The following DNM1 variants were observed in gnomAD, a reference collection of about 807,000 sequenced individuals.
DNM1 encodes dynamin-1.
In DNM1, 29 loss-of-function variants were observed where a neutral mutation model predicts 104.6. That is an observed-to-expected ratio of 0.28 (90% CI 0.21 to 0.38). The LOEUF (loss-of-function observed/expected upper bound fraction) is 0.38, where lower values mean the gene tolerates loss of function less well. Among genes scored for constraint, DNM1 ranks in the 10% least tolerant of loss-of-function variants. The probability of loss-of-function intolerance (pLI) is 1.00; values close to 1 mark genes in which losing one functional copy is unlikely to be tolerated. For synonymous variants in DNM1, 445 were observed against 475.8 expected (o/e 0.94, Z 0.84); for missense variants, 640 against 1,189.4 (o/e 0.54, Z 6.79).
Position 128,220,743 on chromosome 9 carries a change from G to GCGCGCGCC in DNM1, c.849+402_849+403insCGCGCGCC, listed in dbSNP as rs1554773802. On this transcript the variant is annotated intron_variant, in intron 6 of 21. Transcript: ENST00000372923. The surrounding 1 kb of genome is among the most constrained non-coding windows in gnomAD (Gnocchi z 5.2). ...AGAACTGAAGTGCGCGCGCGCGCGC[G>GCGCGCGCC]TGTGTGTGTGTGTGTGTGTGTGTGT... is the stretch of plus-strand genomic sequence containing the variant. Among the ~76,000 whole-genome samples the GCGCGCGCC allele has an allele frequency of 1.5e-5, 1 of 68,104 alleles. No individual in the cohort carries two copies. The highest frequency in any genetic ancestry group is 3.5e-5 in the Non-Finnish European group (1 of 28,970). The allele number at this position is 68,104 out of a possible 152,430, so 44.7% of individuals were successfully genotyped here.
chr9:128,223,945 A>G, intron 9 of DNM1: 3 of 190,560 alleles, frequency 1.6e-5, no homozygotes, highest in Non-Finnish European at 3.2e-5. Flanking sequence ...GCTACTTGGG[A>G]GGCTGAGGCA....
rs192913494 is a variant in DNM1, at chr9:128,218,678, C to G, written c.332C>G (p.Thr111Ser). The G allele has an allele frequency of 4.8e-4, 777 of 1,612,858 alleles. 5 individuals are homozygous for G. In the East Asian group the frequency reaches 0.015, roughly 31 times the overall value. ...GCCGAGACCGACAGGGTCACCGGCA[C>G]CAACAAGGGCATCTCGCCGGTGCCT... is the stretch of plus-strand genomic sequence containing the variant. ...IEAETDRVTG[T>S]NKGISPVPIN... is the part of the protein sequence containing the mutation. The change falls in exon 3 of 22, where the codon ACC becomes AGC. Residue 111 changes from threonine to serine, a missense_variant. Physicochemically the swap from Thr to Ser is moderately conservative, Grantham distance 58. Transcript: ENST00000372923. The surrounding 1 kb of genome is among the most constrained non-coding windows in gnomAD (Gnocchi z 4.8).
intron 10 of DNM1, among the ~76,000 whole-genome samples, chr9:128,225,061 G>A (rs774707097): frequency 4.6e-5 from 7 of 152,150 alleles, no homozygotes; most frequent in Non-Finnish European, 7.4e-5. Flanking sequence ...CAGGGAGGAC[G>A]GTGCCCATTT....
Position 128,220,737 on chromosome 9 carries a change from G to GCGCGCGCGCGCGCGCA in DNM1, c.849+402_849+403insCGCGCGCGCACGCGCG. 7.1e-6 allele frequency among the ~76,000 whole-genome samples: 1 copy of GCGCGCGCGCGCGCGCA among 141,622 alleles called. No homozygotes were observed. The highest frequency in any genetic ancestry group is 1.5e-5 in the Non-Finnish European group (1 of 65,010). 92.9% of individuals were successfully genotyped at this position (141,622 alleles called of 152,430 possible). On this transcript the variant is annotated intron_variant, in intron 6 of 21. Coordinates refer to ENST00000372923, the MANE Select transcript of DNM1 (RefSeq NM_004408.4). This position sits in a 1 kb window ranked among gnomAD's most constrained non-coding sequence, Gnocchi z 5.2. ...GCATCCAGAACTGAAGTGCGCGCGC[G>GCGCGCGCGCGCGCGCA]CGCGCGTGTGTGTGTGTGTGTGTGT...
At position 128,218,878 on chromosome 9, in the gene DNM1, GC is replaced by G; in HGVS notation, c.385+150del. 7.6e-7 allele frequency: 1 copy of G among 1,321,826 alleles called. No homozygotes were observed. The highest frequency in any genetic ancestry group is 2.3e-5 in the Admixed American group (1 of 43,416). 81.9% of individuals were successfully genotyped at this position (1,321,826 alleles called of 1,614,324 possible). On this transcript the variant is annotated intron_variant, in intron 3 of 21. Transcript: ENST00000372923. This position sits in a 1 kb window ranked among gnomAD's most constrained non-coding sequence, Gnocchi z 4.8. ...CCAAGCTCCACCCTGCCGTGATTCCGCCCACTTCCGGCCACGCCTCCAACAG... is the reference window on the plus strand; with the variant it reads ...CCAAGCTCCACCCTGCCGTGATTCCGCCACTTCCGGCCACGCCTCCAACAG...
intron 14 of DNM1, among the ~76,000 whole-genome samples, chr9:128,241,433 T>C (rs1836356648): frequency 6.6e-6 from 1 of 152,220 alleles, no homozygotes. Context: ...TCTAGGCACT[T>C]TGTGGCTCAG....
chr9:128,212,305 G>C (rs1420658481), intron 1 of DNM1, among the ~76,000 whole-genome samples: 1 of 152,198 alleles, frequency 6.6e-6, no homozygotes, highest in Non-Finnish European at 1.5e-5. Context: ...TCAAGATGCT[G>C]GTGATAAGAA....
At chr9:128,205,709 TTGTAAACATGCGGGAGGG>T (rs1833909006) in intron 1 of DNM1, among the ~76,000 whole-genome samples, 1 of 152,088 alleles carries the variant, frequency 6.6e-6, no homozygotes, top group Non-Finnish European at 1.5e-5. Context: ...AAAGGTGCTT[TTGTAAACATGCGGGAGGG>T]GGCGCTGATA....
intron 16 of DNM1, chr9:128,246,998 C>G: frequency 4.4e-6 from 1 of 226,042 alleles, no homozygotes; most frequent in Middle Eastern, 1.7e-3. Context: ...GGGCCCTCTG[C>G]TACTCGGAGA....
In DNM1 at chr9:128,220,732, C is replaced by T. The variant is rs1336652192; in HGVS notation, c.849+391C>T. 1.0e-5 allele frequency among the ~76,000 whole-genome samples: 1 copy of T among 98,880 alleles called. No homozygotes were observed. Among genetic ancestry groups the T allele is most frequent in the African/African-American group, 4.4e-5 (1 of 22,672 alleles). 64.9% of individuals were successfully genotyped at this position (98,880 alleles called of 152,430 possible). Reference sequence around the variant, plus strand: ...ATGGGGCATCCAGAACTGAAGTGCGCGCGCGCGCGCGTGTGTGTGTGTGTG... The same window carrying T: ...ATGGGGCATCCAGAACTGAAGTGCGTGCGCGCGCGCGTGTGTGTGTGTGTG... On this transcript the variant is annotated intron_variant, in intron 6 of 21. Transcript: ENST00000372923. The surrounding 1 kb of genome is among the most constrained non-coding windows in gnomAD (Gnocchi z 5.2).
rs1422379642 is a variant in DNM1 at position 128,254,585 on chromosome 9, C to T, written c.2535-69C>T. Reference sequence around the variant, plus strand: ...CGCGGCCGGCCCCGGCCGTGTGCTGCGCTTGCCTTACCAGCTCTCTCCTCG... The same window carrying T: ...CGCGGCCGGCCCCGGCCGTGTGCTGTGCTTGCCTTACCAGCTCTCTCCTCG... On this transcript the variant is annotated intron_variant, in intron 21 of 21. Transcript: ENST00000372923. This position sits in a 1 kb window ranked among gnomAD's most constrained non-coding sequence, Gnocchi z 6.1. The T allele has an allele frequency of 1.1e-5, 17 of 1,588,978 alleles. No homozygotes were observed. Among genetic ancestry groups the T allele is most frequent in the East Asian group, 2.3e-5 (1 of 44,320 alleles).
rs747193362 is a variant in DNM1 at position 128,218,663 on chromosome 9, A to G, written c.317A>G (p.Asp106Gly). 1 of 1,613,376 alleles carries G rather than the reference A, an allele frequency of 6.2e-7. No homozygotes were observed. The highest frequency in any genetic ancestry group is 8.5e-7 in the Non-Finnish European group (1 of 1,179,614). ...EVRLEIEAET[D>G]RVTGTNKGIS... ...CGCCTTGAGATCGAGGCCGAGACCG[A>G]CAGGGTCACCGGCACCAACAAGGGC... Residue 106 changes from aspartate (D) to glycine (G), a missense_variant, in exon 3 of 22, where the codon GAC becomes GGC. This residue lies in a region of DNM1 where 172 missense variants were observed against 335.3 expected (regional missense o/e 0.51). Transcript: ENST00000372923. This position sits in a 1 kb window ranked among gnomAD's most constrained non-coding sequence, Gnocchi z 4.8.
In DNM1 at chr9:128,240,345, G is replaced by A. The variant is rs1006759091; in HGVS notation, c.1557+349G>A. ...TAAGAAGCTGACAGCCATCGCCTCC[G>A]GACTTGAATGAAGAGACGAATGAGA... On this transcript the variant is annotated intron_variant, in intron 14 of 21. Coordinates refer to ENST00000372923, the MANE Select transcript of DNM1 (RefSeq NM_004408.4). The surrounding 1 kb of genome is among the most constrained non-coding windows in gnomAD (Gnocchi z 5.1). 2.6e-5 allele frequency: 8 copies of A among 308,804 alleles called. No homozygotes were observed. The highest frequency in any genetic ancestry group is 9.9e-4 in the Middle Eastern group (1 of 1,010). The allele number at this position is 308,804 out of a possible 1,614,324, so 19.1% of individuals were successfully genotyped here.
At chr9:128,233,884 G>A (rs1835844883) in intron 10 of DNM1, 137 bp from the exon 11 acceptor site, 1 of 751,928 alleles carries the variant, frequency 1.3e-6, no homozygotes, top group East Asian at 2.8e-5. Flanking sequence ...GGGACCCTAG[G>A]TCTCTCTTCC....
chr9:128,250,664 T>G (rs1252442286), intron 20 of DNM1, 61 bp from the exon 21 acceptor site: 1 of 1,340,818 alleles, frequency 7.5e-7, no homozygotes, highest in African/African-American at 1.5e-5. Flanking sequence ...GGGCGGGGCC[T>G]CTGGGTGGGC....
At chr9:128,249,993 C>A in intron 19 of DNM1, 122 bp from the exon 20 acceptor site, 2 of 1,425,988 alleles carry the variant, frequency 1.4e-6, no homozygotes, top group Non-Finnish European at 1.9e-6. Context: ...TTCCAGTCTA[C>A]GCAGTGTAGG....
At chr9:128,242,533 G>A (rs903422485) in intron 15 of DNM1, among the ~76,000 whole-genome samples, 188 bp downstream of exon 15, 1 of 152,162 alleles carries the variant, frequency 6.6e-6, no homozygotes, top group African/African-American at 2.4e-5. Flanking sequence ...GCCGAGGCAG[G>A]TGGATCACCT....
chr9:128,246,554 C>A, intron 16 of DNM1, 51 bp downstream of exon 16: 1 of 1,396,738 alleles, frequency 7.2e-7, no homozygotes, highest in Non-Finnish European at 1.0e-6. Flanking sequence ...ACCACCCTCA[C>A]TGAGTAGAAG....
At chr9:128,232,468 G>A (rs146198130) in intron 10 of DNM1, 121 of 163,202 alleles carry the variant, frequency 7.4e-4, no homozygotes, top group Admixed American at 1.5e-3. Flanking sequence ...GGCATCCCTC[G>A]TGTTGGCATC....
Sources: allele counts gnomAD v4.1 joint callset (sites outside exome capture counted in the v4.1 genomes callset), GRCh38; gene constraint gnomAD v4.1.1; regional missense constraint gnomAD v4.1.1; non-coding constraint Gnocchi (gnomAD v3.1); transcripts MANE v1.5; gene names NCBI Gene and HGNC (gene_info 2026-07-23, HGNC 2026-07-21).